The following BTBD16 variants were observed in gnomAD, a reference collection of about 807,000 sequenced individuals.
BTBD16 encodes BTB domain containing 16, also known as BTB/POZ domain-containing protein 16.
In BTBD16, 66 loss-of-function variants were observed where a neutral mutation model predicts 67.4. The ratio of observed to expected loss-of-function variants is 0.98; its 90% CI spans 0.80 to 1.20. The LOEUF is 1.20. Among genes scored for constraint, BTBD16 ranks in the 50% most tolerant of loss-of-function variants. The pLI, the probability that BTBD16 is intolerant of heterozygous loss-of-function variation, is 0.00. For synonymous variants in BTBD16, 242 were observed against 236.4 expected, an observed-to-expected ratio of 1.02 and a Z score of -0.22; for missense variants, 634 against 616.0, an observed-to-expected ratio of 1.03 and a Z score of -0.31.
At chr10:122,333,092 G>A in intron 13 of BTBD16, 1 of 364,500 alleles carries the variant, frequency 2.7e-6, no homozygotes, top group Non-Finnish European at 3.8e-6. Context: ...AGAAATCAGT[G>A]ATCTCCTTTG....
At position 122,299,020 on chromosome 10, in the gene BTBD16, T is replaced by C. The variant is rs747901565; in HGVS notation, c.677T>C (p.Leu226Pro). 5.0e-6 allele frequency: 8 copies of C among 1,613,790 alleles called. No individual in the cohort carries two copies. Among genetic ancestry groups the C allele is most frequent in the Non-Finnish European group, 5.9e-6 (7 of 1,179,986 alleles). ...EAGCKYKEEQ[L>P]TTGCEKWLEM... is the part of the protein sequence containing the mutation. ...TTGTCTTAGTACAAGGAAGAGCAGC[T>C]CACCACCGGCTGCGAGAAGTGGCTG... The change falls in exon 9 of 16, where the codon CTC (leucine) becomes CCC (proline). Residue 226 changes from leucine (L) to proline (P), a missense_variant. Leu to Pro is a moderately conservative substitution (Grantham distance 98). Coordinates refer to ENST00000260723, the MANE Select transcript of BTBD16 (RefSeq NM_144587.5).
chr10:122,329,695 C>A, intron 11 of BTBD16, 124 bp downstream of exon 11: 2 of 748,840 alleles, frequency 2.7e-6, no homozygotes, highest in South Asian at 3.4e-5. Context: ...GTGGCATTGT[C>A]ACTTCCAAGC....
chr10:122,291,311 TTGTGCCA>T, intron 7 of BTBD16, 117 bp downstream of exon 7: 1 of 1,316,862 alleles, frequency 7.6e-7, no homozygotes, highest in Non-Finnish European at 1.0e-6. Context: ...TCAGGTGTCT[TTGTGCCA>T]AGCATGGCCT....
intron 5 of BTBD16, among the ~76,000 whole-genome samples, chr10:122,288,866 T>C (rs540461224): frequency 2.6e-5 from 4 of 151,810 alleles, no homozygotes; most frequent in Non-Finnish European, 5.9e-5. Flanking sequence ...GGTGGGGGCA[T>C]GATGGGCAGA....
chr10:122,325,785 C>T (rs1427948002), intron 10 of BTBD16, among the ~76,000 whole-genome samples: 6 of 151,908 alleles, frequency 3.9e-5, no homozygotes, highest in Non-Finnish European at 7.4e-5. Flanking sequence ...AAGCAATGCT[C>T]CTGCCTCAGC....
At chr10:122,313,327 C>T (rs557001890) in intron 10 of BTBD16, among the ~76,000 whole-genome samples, 3 of 137,790 alleles carry the variant, frequency 2.2e-5, no homozygotes, top group South Asian at 4.8e-4. Context: ...TGTAATGGTG[C>T]GATCTCAGTT....
chr10:122,296,586 G>GCT (rs1479244150), intron 7 of BTBD16, among the ~76,000 whole-genome samples: 1 of 152,210 alleles, frequency 6.6e-6, no homozygotes, highest in Non-Finnish European at 1.5e-5. Flanking sequence ...AAGCAATTTT[G>GCT]CTGCAGAGAG....
At position 122,297,133 on chromosome 10, in the gene BTBD16, T is replaced by C. The variant is rs566758823; in HGVS notation, c.591-635T>C. Among the ~76,000 whole-genome samples the C allele has an allele frequency of 6.6e-5, 10 of 152,382 alleles. No homozygotes were observed. The South Asian group carries it at 1.7e-3, about 25-fold the overall frequency. On this transcript the variant is annotated intron_variant, in intron 7 of 15. Coordinates refer to ENST00000260723, the MANE Select transcript of BTBD16 (RefSeq NM_144587.5). ...CCTTGTTCTTTAACTTTTTAACCCT[T>C]AACATGACTGCCAAATGTGGTTATC... is the stretch of plus-strand genomic sequence containing the variant.
intron 6 of BTBD16, 140 bp downstream of exon 6, chr10:122,290,138 C>T (rs571233198): frequency 1.9e-5 from 11 of 572,032 alleles, no homozygotes; most frequent in East Asian, 8.9e-5. Flanking sequence ...AAGGCCCGAA[C>T]GTGCAAAGAA....
chr10:122,334,494 C>CT (rs869262992), intron 13 of BTBD16, among the ~76,000 whole-genome samples: 583 of 43,280 alleles, frequency 0.013, 95 homozygotes, highest in African/African-American at 0.019. Flanking sequence ...CGTGCCCGGC[C>CT]TTTTTTTTTT....
intron 9 of BTBD16, among the ~76,000 whole-genome samples, chr10:122,305,355 G>T (rs1274595368): frequency 1.3e-5 from 2 of 152,226 alleles, no homozygotes; most frequent in African/African-American, 4.8e-5. Flanking sequence ...GACCTGGTGA[G>T]AGGTGATTGG....
intron 4 of BTBD16, among the ~76,000 whole-genome samples, chr10:122,285,162 C>T (rs897806791): frequency 1.8e-4 from 28 of 152,066 alleles, no homozygotes; most frequent in African/African-American, 6.8e-4. Context: ...GCTAGTGACC[C>T]TTCAGGTCCT....
At chr10:122,332,387 C>G (rs372654405) in intron 12 of BTBD16, 49 bp from the exon 13 acceptor site, 1 of 1,578,042 alleles carries the variant, frequency 6.3e-7, no homozygotes, top group Non-Finnish European at 8.7e-7. Context: ...GAGAGGCGCT[C>G]GTGTCCAGAG....
rs2096332655 is a variant in BTBD16 at position 122,273,158 on chromosome 10, G to T, written c.-43+1644G>T. 2.0e-5 allele frequency among the ~76,000 whole-genome samples: 3 copies of T among 149,590 alleles called. No individual in the cohort carries two copies. In the Admixed American group the frequency reaches 2.0e-4, roughly 10 times the overall value. On this transcript the variant is annotated intron_variant, in intron 1 of 15. Transcript: ENST00000260723. ...ATTAACTATTTCAATTGAAGATACA[G>T]ATCTCTGACATAACTATACCACTTG...
chr10:122,316,880 C>T (rs183866517), intron 10 of BTBD16, among the ~76,000 whole-genome samples: 42 of 152,160 alleles, frequency 2.8e-4, no homozygotes, highest in Non-Finnish European at 5.4e-4. Flanking sequence ...CTCCGCCTCT[C>T]CGGTTCAACT....
rs552119754 is a variant in BTBD16 at position 122,317,684 on chromosome 10, CA to C, written c.911+10384del. Among the ~76,000 whole-genome samples the C allele has an allele frequency of 2.4e-3, 367 of 151,580 alleles. 3 individuals are homozygous for C. The highest frequency in any genetic ancestry group is 3.7e-3 in the Non-Finnish European group (252 of 67,808). On this transcript the variant is annotated intron_variant, in intron 10 of 15. Transcript: ENST00000260723. The stretch of plus-strand genomic sequence containing the variant: ...AAAAACAAAAAAAACAAAAAAACAA[CA>C]AAAAAAACTAAGCCACAAACACACG...
rs1022761267 is a variant in BTBD16 at position 122,276,928 on chromosome 10, G to A, written c.156G>A (p.Arg52=). The A allele has an allele frequency of 3.7e-6, 6 of 1,614,060 alleles. No homozygotes were observed. Among genetic ancestry groups the A allele is most frequent in the Non-Finnish European group, 5.1e-6 (6 of 1,179,982 alleles). ...ALSIDFEEAL[R]NPDRLCISQI... ...GCATAGACTTTGAGGAAGCTTTGAG[G>A]AACCCAGACAGGTATGGAGACTCAA... Residue 52 remains arginine, a synonymous_variant, in exon 3 of 16, where the codon AGG becomes AGA. Coordinates refer to ENST00000260723, the MANE Select transcript of BTBD16 (RefSeq NM_144587.5).
intron 9 of BTBD16, among the ~76,000 whole-genome samples, chr10:122,303,227 C>T (rs754361748): frequency 2.0e-4 from 31 of 152,164 alleles, no homozygotes; most frequent in East Asian, 1.2e-3. Context: ...TTTCTGCCTC[C>T]TTCCCCTCCT....
intron 2 of BTBD16, among the ~76,000 whole-genome samples, chr10:122,276,510 A>G (rs2096340868): frequency 6.6e-6 from 1 of 152,170 alleles, no homozygotes; most frequent in African/African-American, 2.4e-5. Flanking sequence ...TTCTTCAGAG[A>G]GCTACCTGCA....
Sources: allele counts gnomAD v4.1 joint callset (sites outside exome capture counted in the v4.1 genomes callset), GRCh38; gene constraint gnomAD v4.1.1; transcripts MANE v1.5; gene names NCBI Gene and HGNC (gene_info 2026-07-23, HGNC 2026-07-21).